NSUN6: variants seen among roughly 807,000 people sequenced by gnomAD.
NSUN6 encodes the protein tRNA (cytosine(72)-C(5))-methyltransferase NSUN6.
A neutral mutation model predicts 58.0 loss-of-function variants in NSUN6; 64 were observed. The ratio of observed to expected loss-of-function variants is 1.10; its 90% CI spans 0.90 to 1.36. The LOEUF (loss-of-function observed/expected upper bound fraction) is 1.36. Ranked by LOEUF, NSUN6 falls within the 40% of genes most tolerant of loss-of-function variation. The pLI is 0.00. For missense variants in NSUN6, 701 were observed against 550.1 expected (o/e 1.27, Z -2.74); for synonymous variants, 231 against 193.9 (o/e 1.19, Z -1.59).
intron 3 of NSUN6, among the ~76,000 whole-genome samples, chr10:18,618,441 G>A (rs1201800415): frequency 1.3e-5 from 2 of 151,980 alleles, no homozygotes; most frequent in East Asian, 1.9e-4. Flanking sequence ...CAGTACTTTT[G>A]GAGGCTGAGG....
chr10:18,594,595 C>A (rs1476009392), intron 7 of NSUN6, among the ~76,000 whole-genome samples: 1 of 152,140 alleles, frequency 6.6e-6, no homozygotes, highest in East Asian at 1.9e-4. Flanking sequence ...ACTACAGGCA[C>A]ACGCCACCAT....
At chr10:18,618,572 C>T (rs183676182) in intron 3 of NSUN6, among the ~76,000 whole-genome samples, 1 of 150,938 alleles carries the variant, frequency 6.6e-6, no homozygotes, top group Non-Finnish European at 1.5e-5. Flanking sequence ...ATCCCAGATA[C>T]TTGGAAGGCT....
intron 8 of NSUN6, among the ~76,000 whole-genome samples, chr10:18,579,117 TGA>T (rs1380080146): frequency 6.6e-6 from 1 of 152,262 alleles, no homozygotes; most frequent in Non-Finnish European, 1.5e-5. Context: ...TAGAAAGGCA[TGA>T]GATATATGCT....
intron 8 of NSUN6, among the ~76,000 whole-genome samples, chr10:18,558,530 C>T (rs1012866921): frequency 8.1e-5 from 10 of 123,432 alleles, no homozygotes; most frequent in South Asian, 5.5e-4. Context: ...TGGAATGGAA[C>T]GGAGAATGGA....
intron 8 of NSUN6, among the ~76,000 whole-genome samples, chr10:18,557,842 AT>A (rs1464253776): frequency 6.6e-6 from 1 of 151,168 alleles, no homozygotes; most frequent in Admixed American, 6.6e-5. Flanking sequence ...ATTAAATAGA[AT>A]GGAAAATAGA....
intron 8 of NSUN6, among the ~76,000 whole-genome samples, chr10:18,569,947 C>T (rs1046749147): frequency 1.3e-5 from 2 of 148,862 alleles, no homozygotes; most frequent in African/African-American, 2.5e-5. Context: ...TATTGCACTC[C>T]ATACTACTCC....
rs563810413 is a variant in NSUN6 at position 18,606,398 on chromosome 10, G to A, written c.657+3447C>T. Among the ~76,000 whole-genome samples the A allele has an allele frequency of 3.4e-4, 20 of 58,270 alleles. No individual in the cohort carries two copies. The South Asian group carries it at 9.6e-3, about 28-fold the overall frequency. 38.2% of individuals were successfully genotyped at this position (58,270 alleles called of 152,430 possible). ...TTACAAACAAGGCAAGATAGTTATC[G>A]CAGGCCAGAAGAGACATCATGATTA... On this transcript the variant is annotated intron_variant, in intron 6 of 10. Coordinates refer to ENST00000377304, the MANE Select transcript of NSUN6 (RefSeq NM_182543.5).
intron 3 of NSUN6, among the ~76,000 whole-genome samples, chr10:18,624,555 G>C (rs764052963): frequency 6.8e-6 from 1 of 146,776 alleles, no homozygotes; most frequent in Non-Finnish European, 1.5e-5. Context: ...GGAGGCTGAG[G>C]CAGGAGAATG....
At chr10:18,580,037 G>C (rs2056836396) in intron 8 of NSUN6, among the ~76,000 whole-genome samples, 1 of 152,100 alleles carries the variant, frequency 6.6e-6, no homozygotes, top group Non-Finnish European at 1.5e-5. Flanking sequence ...CTCTGAAACT[G>C]TATTACTTTG....
In NSUN6 at chr10:18,548,196, G is replaced by C. The variant is rs1447210094; in HGVS notation, c.1113C>G (p.Ser371Arg). 4 of 1,612,960 alleles carry C rather than the reference G, an allele frequency of 2.5e-6. No individual in the cohort carries two copies. Among genetic ancestry groups the C allele is most frequent in the Non-Finnish European group, 3.4e-6 (4 of 1,179,142 alleles). ...TTTCGGCCAGTGTTATAGTGCACGT[G>C]CTATAAACCAGCACACCCTCTGGCT... ...LLKPEGVLVY[S>R]TCTITLAENE... The change falls in exon 10 of 11, where the codon AGC becomes AGG. Residue 371 changes from serine to arginine, a missense_variant. Ser to Arg is a moderately radical substitution (Grantham distance 110). Coordinates refer to ENST00000377304, the MANE Select transcript of NSUN6 (RefSeq NM_182543.5).
At chr10:18,633,517 C>T (rs552414016) in intron 3 of NSUN6, among the ~76,000 whole-genome samples, 42 of 151,948 alleles carry the variant, frequency 2.8e-4, no homozygotes, top group African/African-American at 9.9e-4. Flanking sequence ...GAGAAATAAC[C>T]GGCTGACAGT....
At chr10:18,655,658 G>A (rs1269219873), upstream of NSUN6, among the ~76,000 whole-genome samples, 2 of 152,184 alleles carry the variant, frequency 1.3e-5, no homozygotes, top group East Asian at 3.9e-4. Flanking sequence ...CTGTAGTAAA[G>A]AGGGGCAAAG....
At chr10:18,654,816 G>A (rs918274934), upstream of NSUN6, 1 of 152,464 alleles carries the variant, frequency 6.6e-6, no homozygotes, top group Non-Finnish European at 1.5e-5. Flanking sequence ...GGAGGCAGAG[G>A]TTGCAGTGAG....
chr10:18,654,649 G>C (rs1309563563), upstream of NSUN6: 2 of 152,314 alleles, frequency 1.3e-5, no homozygotes, highest in Non-Finnish European at 2.9e-5. Context: ...TTGGGAGGCT[G>C]AGGCGGGTGG....
At chr10:18,584,579 G>C (rs1172950810) in intron 8 of NSUN6, among the ~76,000 whole-genome samples, 14 of 151,926 alleles carry the variant, frequency 9.2e-5, no homozygotes, top group Non-Finnish European at 2.9e-5. Context: ...ACACAACTTA[G>C]GTAGTCCCAA....
intron 3 of NSUN6, among the ~76,000 whole-genome samples, chr10:18,629,075 C>T (rs1409421775): frequency 6.6e-6 from 1 of 152,120 alleles, no homozygotes. Context: ...ACTCTACAAG[C>T]CAGAAGAGAG....
intron 9 of NSUN6, 90 bp from the exon 10 acceptor site, chr10:18,548,327 A>C: frequency 9.0e-7 from 1 of 1,115,858 alleles, no homozygotes; most frequent in Non-Finnish European, 1.3e-6. Context: ...TGTCTTTCAA[A>C]TGTTTGGGAT....
At chr10:18,614,413 G>T in intron 5 of NSUN6, 47 bp downstream of exon 5, 13 of 1,141,842 alleles carry the variant, frequency 1.1e-5, no homozygotes, top group Non-Finnish European at 1.4e-5. Flanking sequence ...AATTTTCATT[G>T]ACCCACAAAA....
intron 6 of NSUN6, among the ~76,000 whole-genome samples, chr10:18,596,799 T>C (rs1489591898): frequency 3.9e-5 from 6 of 152,178 alleles, no homozygotes; most frequent in Non-Finnish European, 8.8e-5. Context: ...CATTTTCATA[T>C]AGACATATCA....
Sources: gnomAD v4.1 joint callset for allele counts (sites outside exome capture counted in the v4.1 genomes callset) on GRCh38, gnomAD v4.1.1 for gene constraint, MANE v1.5 for transcripts, NCBI Gene and HGNC (gene_info 2026-07-23, HGNC 2026-07-21) for gene names.